Variants in HYDIN observed in about 807,000 individuals in gnomAD.
HYDIN encodes the protein HYDIN axonemal central pair apparatus protein.
Under a neutral mutation model 403.9 loss-of-function variants are expected in HYDIN, and 132 were observed. That is an observed-to-expected ratio of 0.33 (90% confidence interval 0.28 to 0.38). HYDIN has a LOEUF of 0.38. HYDIN is among the 10% of genes least tolerant of loss of function. HYDIN has a pLI of 1.00. For missense variants in HYDIN, 2,827 were observed against 5,009.5 expected, an observed-to-expected ratio of 0.56 and a Z score of 13.15; for synonymous variants, 1,202 against 1,891.7, an observed-to-expected ratio of 0.64 and a Z score of 9.46.
chr16:71,188,752 C>A (rs2087278040), intron 1 of HYDIN, among the ~76,000 whole-genome samples: 1 of 152,090 alleles, frequency 6.6e-6, no homozygotes, highest in Non-Finnish European at 1.5e-5. Flanking sequence ...AATGACATAA[C>A]ACATTAAATA....
intron 44 of HYDIN, among the ~76,000 whole-genome samples, chr16:70,938,301 G>T (rs1041038984): frequency 6.6e-6 from 1 of 152,208 alleles, no homozygotes; most frequent in Non-Finnish European, 1.5e-5. Flanking sequence ...GGTCAGGGGG[G>T]GCCAGCAGGG....
intron 41 of HYDIN, among the ~76,000 whole-genome samples, chr16:70,949,206 G>A (rs1466096757): frequency 6.7e-6 from 1 of 149,544 alleles, no homozygotes. Context: ...ACTATCGCAA[G>A]AACAAAAAAA....
At chr16:71,028,217 A>G (rs1018960) in intron 19 of HYDIN, among the ~76,000 whole-genome samples, 2,382 of 152,102 alleles carry the variant, frequency 0.016, 79 homozygotes, top group South Asian at 0.13. Flanking sequence ...ACTGAAGGAG[A>G]AGCGAGTTTC....
intron 1 of HYDIN, among the ~76,000 whole-genome samples, chr16:71,228,897 G>T (rs1489446769): frequency 6.6e-6 from 1 of 152,114 alleles, no homozygotes; most frequent in Non-Finnish European, 1.5e-5. Context: ...CAAAGACTTG[G>T]AACCAACCCA....
chr16:71,110,422 T>A (rs1330470425), intron 10 of HYDIN, among the ~76,000 whole-genome samples: 1 of 141,368 alleles, frequency 7.1e-6, no homozygotes, highest in Non-Finnish European at 1.5e-5. Context: ...TATATTTATA[T>A]ATAATTATAA....
At chr16:70,978,339 C>T (rs1256097897) in intron 30 of HYDIN, among the ~76,000 whole-genome samples, 2 of 148,092 alleles carry the variant, frequency 1.4e-5, no homozygotes, top group African/African-American at 4.9e-5. Context: ...CTTACAGCAC[C>T]ACCATCTCTC....
At chr16:71,070,813 C>T (rs1244416371) in intron 13 of HYDIN, among the ~76,000 whole-genome samples, 2 of 121,460 alleles carry the variant, frequency 1.6e-5, no homozygotes, top group African/African-American at 3.7e-5. Context: ...ATGACTGTTG[C>T]TGTCGGGGCT....
intron 66 of HYDIN, among the ~76,000 whole-genome samples, chr16:70,866,606 A>AG: frequency 6.6e-6 from 1 of 152,342 alleles, no homozygotes; most frequent in Non-Finnish European, 1.5e-5. Context: ...TATCAAAAAA[A>AG]CAAGTCTTAA....
rs1314678597 is a variant in HYDIN at position 71,133,910 on chromosome 16, A to T, written c.1043+3241T>A. 1.3e-3 allele frequency among the ~76,000 whole-genome samples: 202 copies of T among 150,434 alleles called. 1 individual carries two copies. The highest frequency in any genetic ancestry group is 4.8e-3 in the African/African-American group (197 of 41,032). Reference sequence around the variant, plus strand: ...TCCCTATACATCTGATTATCAAGTTAAAAAAAAAAATTTAAAGTACAGAAC... The same window carrying T: ...TCCCTATACATCTGATTATCAAGTTTAAAAAAAAAATTTAAAGTACAGAAC... On this transcript the variant is annotated intron_variant, in intron 8 of 85. Transcript: ENST00000393567.
At chr16:71,170,408 C>T (rs1225490815) in intron 5 of HYDIN, among the ~76,000 whole-genome samples, 1 of 151,926 alleles carries the variant, frequency 6.6e-6, no homozygotes, top group Non-Finnish European at 1.5e-5. Context: ...CTAGGAAGTA[C>T]CACATCACCT....
chr16:71,178,623 C>G (rs982039278), intron 4 of HYDIN, among the ~76,000 whole-genome samples: 1 of 151,768 alleles, frequency 6.6e-6, no homozygotes, highest in Non-Finnish European at 1.5e-5. Context: ...TAAATAAAAA[C>G]CTAGCCCAAT....
chr16:71,067,673 A>G (rs898749536), intron 14 of HYDIN, among the ~76,000 whole-genome samples: 1 of 152,126 alleles, frequency 6.6e-6, no homozygotes, highest in Non-Finnish European at 1.5e-5. Context: ...GGGAAAAATG[A>G]GCATGAACGA....
intron 21 of HYDIN, among the ~76,000 whole-genome samples, chr16:71,021,190 ACT>A (rs1481900290): frequency 2.0e-5 from 3 of 149,738 alleles, no homozygotes; most frequent in Non-Finnish European, 4.5e-5. Flanking sequence ...GTATCTTTTT[ACT>A]CTGTTAGATA....
intron 1 of HYDIN, among the ~76,000 whole-genome samples, chr16:71,222,327 G>T (rs2040840039): frequency 6.6e-6 from 1 of 151,956 alleles, no homozygotes; most frequent in African/African-American, 2.4e-5. Flanking sequence ...GCATAGAAGG[G>T]ACTTACCTCA....
At chr16:70,841,406 G>A (rs112278062) in intron 75 of HYDIN, among the ~76,000 whole-genome samples, 3 of 151,986 alleles carry the variant, frequency 2.0e-5, no homozygotes, top group East Asian at 1.9e-4. Flanking sequence ...GCCACAAACC[G>A]GGCTTTTCTC....
At chr16:71,137,531 G>A (rs1205921286) in intron 7 of HYDIN, among the ~76,000 whole-genome samples, 179 bp from the exon 8 acceptor site, 2 of 151,700 alleles carry the variant, frequency 1.3e-5, no homozygotes, top group Non-Finnish European at 2.9e-5. Context: ...ATTATGCTTG[G>A]TGCAGTTATA....
chr16:71,180,361 T>C (rs1196200776), intron 3 of HYDIN, among the ~76,000 whole-genome samples: 2 of 152,034 alleles, frequency 1.3e-5, no homozygotes, highest in African/African-American at 4.8e-5. Context: ...TTACAGAAAT[T>C]ATATCTGTAA....
rs780996622 is a variant in HYDIN at position 70,834,009 on chromosome 16, G to A, written c.13557C>T (p.Ser4519=). 24 of 1,605,250 alleles carry A rather than the reference G, an allele frequency of 1.5e-5. No individual in the cohort carries two copies. Among genetic ancestry groups the A allele is most frequent in the Middle Eastern group, 1.7e-4 (1 of 6,022 alleles). ...MGLLRPLFLL[S]GCCQALEISL... ...AGATCTCCAGGGCCTGGCAGCAGCC[G>A]CTAAGGAGGAAGAGGGGGCGCAGGA... The change falls in exon 79 of 86, where the codon AGC becomes AGT. Residue 4519 remains serine, a synonymous_variant. Transcript: ENST00000393567.
At chr16:70,917,250 G>T (rs2076868106) in intron 47 of HYDIN, among the ~76,000 whole-genome samples, 1 of 152,242 alleles carries the variant, frequency 6.6e-6, no homozygotes. Flanking sequence ...GGGGTTGATG[G>T]AAAGTTTTTC....
Sources: allele counts gnomAD v4.1 joint callset (sites outside exome capture counted in the v4.1 genomes callset), GRCh38; gene constraint gnomAD v4.1.1; transcripts MANE v1.5; gene names NCBI Gene and HGNC (gene_info 2026-07-23, HGNC 2026-07-21).